IRF3: variants seen among roughly 807,000 people sequenced by gnomAD.
IRF3 encodes interferon regulatory factor 3.
A neutral mutation model predicts 43.2 loss-of-function variants in IRF3; 29 were observed. That is an observed-to-expected ratio of 0.67 (90% confidence interval 0.50 to 0.91). The LOEUF is 0.91. Among genes scored for constraint, IRF3 ranks in the 40% least tolerant of loss-of-function variants. The pLI is 0.00. For synonymous variants in IRF3, 228 were observed against 233.9 expected (o/e 0.97, Z 0.23); for missense variants, 505 against 559.1 (o/e 0.90, Z 0.98).
chr19:49,660,848 G>A lies in IRF3; in HGVS notation c.983-20C>T. ...TCAGATCTGGGGGCCCAGGAGCCTA[G>A]TCAGGGATGAGAAGAGGACCCTCTA... On this transcript the variant is annotated intron_variant, in intron 6 of 7. Transcript: ENST00000377139. The A allele has an allele frequency of 1.3e-6, 2 of 1,575,446 alleles. No homozygotes were observed. Among genetic ancestry groups the A allele is most frequent in the Non-Finnish European group, 8.6e-7 (1 of 1,160,396 alleles).
chr19:49,665,116 ACCT>A (rs529892778), intron 1 of IRF3: 110 of 412,214 alleles, frequency 2.7e-4, no homozygotes, highest in African/African-American at 1.8e-3. Flanking sequence ...GCCAGTATAG[ACCT>A]CCTCCCTCCC....
At chr19:49,665,074 C>G in intron 1 of IRF3, 2 of 541,948 alleles carry the variant, frequency 3.7e-6, no homozygotes, top group Non-Finnish European at 3.3e-6. Flanking sequence ...TCCCCAGCGT[C>G]TTCAGTGCAG....
intron 6 of IRF3, 40 bp downstream of exon 6, chr19:49,661,905 GGCT>G (rs1233962789): frequency 6.4e-7 from 1 of 1,557,562 alleles, no homozygotes; most frequent in Non-Finnish European, 8.7e-7. Flanking sequence ...CCACTGTGCA[GGCT>G]GCTTTGTACT....
At position 49,659,604 on chromosome 19, in the gene IRF3, G is replaced by A. The variant is rs754349455; in HGVS notation, c.*44C>T. 1 of 1,579,670 alleles carries A rather than the reference G, an allele frequency of 6.3e-7. No individual in the cohort carries two copies. Among genetic ancestry groups the A allele is most frequent in the African/African-American group, 1.3e-5 (1 of 74,092 alleles). ...AGGAACCAGTTTATTGGTTGAGGTG[G>A]TGGGGAACAGGGGGGTTGGAGGCAC... On this transcript the variant is annotated 3_prime_UTR_variant, in exon 8 of 8. Transcript: ENST00000377139.
Position 49,665,696 on chromosome 19 carries a change from T to TCTCAAACTCGAGGCTGCGCACCCC in IRF3, c.-98_-75dup. 7.7e-7 allele frequency: 1 copy of TCTCAAACTCGAGGCTGCGCACCCC among 1,304,554 alleles called. No homozygotes were observed. The highest frequency in any genetic ancestry group is 1.0e-6 in the Non-Finnish European group (1 of 958,902). The allele number at this position is 1,304,554 out of a possible 1,614,324, so 80.8% of individuals were successfully genotyped here. The stretch of plus-strand genomic sequence containing the variant: ...CCCCTGTCTTGGAGCTCCGGGTAGC[T>TCTCAAACTCGAGGCTGCGCACCCC]CTCAAACTCGAGGCTGCGCACCCCC... On this transcript the variant is annotated 5_prime_UTR_variant, in exon 1 of 8. Transcript: ENST00000377139.
rs1361576344 is a variant in IRF3 at position 49,662,049 on chromosome 19, G to A, written c.881C>T (p.Ala294Val). The A allele has an allele frequency of 1.9e-6, 3 of 1,613,924 alleles. No individual in the cohort carries two copies. Among genetic ancestry groups the A allele is most frequent in the Non-Finnish European group, 2.5e-6 (3 of 1,179,980 alleles). The change falls in exon 6 of 8, where the codon GCA becomes GTA. Residue 294 changes from alanine (A) to valine (V), a missense_variant. Physicochemically the swap from Ala to Val is moderately conservative, Grantham distance 64. Transcript: ENST00000377139. ...QRLGHCHTYW[A>V]VSEELLPNSG... ...GTTGGGGAGCAGCTCCTCGCTCACT[G>A]CCCAGTATGTGTGGCAGTGCCCCAG...
In IRF3 at chr19:49,660,631, T is replaced by G. The variant is rs955224324; in HGVS notation, c.1098+82A>C. 136 of 1,386,306 alleles carry G rather than the reference T, an allele frequency of 9.8e-5. No homozygotes were observed. In the East Asian group the frequency reaches 3.6e-3, roughly 37 times the overall value. 85.9% of individuals were successfully genotyped at this position (1,386,306 alleles called of 1,614,324 possible). ...AGTTGCAGTTTTTTAGAGGGCCCTCTGGGAGTTGGAGTTCCTGGGAGCAAC... is the reference window on the plus strand; with the variant it reads ...AGTTGCAGTTTTTTAGAGGGCCCTCGGGGAGTTGGAGTTCCTGGGAGCAAC... On this transcript the variant is annotated intron_variant, in intron 7 of 7. Transcript: ENST00000377139.
In IRF3 at chr19:49,665,721, C is replaced by G. The variant is rs533084354; in HGVS notation, c.-99G>C. 1 of 1,456,504 alleles carries G rather than the reference C, an allele frequency of 6.9e-7. No individual in the cohort carries two copies. The allele number at this position is 1,456,504 out of a possible 1,614,324, so 90.2% of individuals were successfully genotyped here. A position where few individuals can be genotyped will look rare whatever the true frequency, so the allele number is the denominator to read the frequency against. ...TCTCAAACTCGAGGCTGCGCACCCCCTTTCCCGTCAGCTGAGCTCTAGAGC... is the reference window on the plus strand; with the variant it reads ...TCTCAAACTCGAGGCTGCGCACCCCGTTTCCCGTCAGCTGAGCTCTAGAGC... On this transcript the variant is annotated 5_prime_UTR_variant, in exon 1 of 8. Transcript: ENST00000377139.
At chr19:49,659,867 ACACC>A in intron 7 of IRF3, 34 bp from the exon 8 acceptor site, 11 of 1,543,056 alleles carry the variant, frequency 7.1e-6, no homozygotes, top group Non-Finnish European at 9.6e-6. Flanking sequence ...GTCAGGGAAA[ACACC>A]CAGCCACTGT....
chr19:49,663,216 T>C lies in IRF3; in HGVS notation c.380A>G (p.Asn127Ser), dbSNP rs137902370. ...FSQPDTSPDT[N>S]GGGSTSDTQE... ...GGTATCAGAAGTACTGCCTCCACCA[T>C]TGGTGTCCGGAGAGGTGTCTGGCTG... Residue 127 changes from asparagine (N) to serine (S), a missense_variant, in exon 4 of 8, where the codon AAT (asparagine) becomes AGT (serine). Asn to Ser is a conservative substitution (Grantham distance 46). Coordinates refer to ENST00000377139, the MANE Select transcript of IRF3 (RefSeq NM_001571.6). 378 of 1,614,056 alleles carry C rather than the reference T, an allele frequency of 2.3e-4. 3 individuals carry two copies. The Admixed American group carries it at 6.2e-3, about 26-fold the overall frequency.
intron 7 of IRF3, among the ~76,000 whole-genome samples, 185 bp from the exon 8 acceptor site, chr19:49,660,018 CACACACACA>C (rs1175202488): frequency 9.9e-5 from 12 of 121,748 alleles, no homozygotes; most frequent in South Asian, 5.1e-4. Context: ...CACACACACA[CACACACACA>C]CCCCCTGCTG....
Position 49,665,044 on chromosome 19 carries a change from C to T in IRF3, c.-8-198G>A, listed in dbSNP as rs950481727. ...CTCTCTAATCAGCTAGGGTTCCTTC[C>T]CATATCCATGGCACATCCTTCCCCA... On this transcript the variant is annotated intron_variant, in intron 1 of 7. Coordinates refer to ENST00000377139, the MANE Select transcript of IRF3 (RefSeq NM_001571.6). The T allele has an allele frequency of 5.3e-5, 32 of 598,928 alleles. 1 individual carries two copies. The South Asian group carries it at 6.6e-4, about 12-fold the overall frequency. 37.1% of individuals were successfully genotyped at this position (598,928 alleles called of 1,614,324 possible).
At position 49,663,538 on chromosome 19, in the gene IRF3, T is replaced by C. The variant is rs3810260; in HGVS notation, c.166-24A>G. ...GCCTGGGGCAACAGTGGTGTCAGGA[T>C]GGTGGGGGAGGACGACTTAGATCCT... is the stretch of plus-strand genomic sequence containing the variant. On this transcript the variant is annotated intron_variant, in intron 2 of 7. Coordinates refer to ENST00000377139, the MANE Select transcript of IRF3 (RefSeq NM_001571.6). 8.8e-3 allele frequency: 14,173 copies of C among 1,612,594 alleles called. 955 individuals carry two copies. The Admixed American group carries it at 0.15, about 17-fold the overall frequency.
intron 7 of IRF3, among the ~76,000 whole-genome samples, chr19:49,660,182 C>T (rs922029177): frequency 2.6e-5 from 4 of 152,010 alleles, no homozygotes; most frequent in Non-Finnish European, 4.4e-5. Flanking sequence ...GCAGCTAAAA[C>T]TTGAGTCCAC....
chr19:49,659,859 C>T (rs778730479), intron 7 of IRF3, 26 bp from the exon 8 acceptor site: 1 of 1,552,112 alleles, frequency 6.4e-7, no homozygotes, highest in Non-Finnish European at 8.7e-7. Flanking sequence ...GGACAGGAGT[C>T]AGGGAAAACA....
Position 49,662,241 on chromosome 19 carries a change from C to T in IRF3, c.689G>A (p.Gly230Glu). ...CAGCGTCCTGTCTCCCACTTCGGAC[C>T]CCACCAGCCGCAGGCCCTCCGGGCA... ...ISCPEGLRLV[G>E]SEVGDRTLPG... Residue 230 changes from glycine to glutamate, a missense_variant, in exon 6 of 8, where the codon GGG becomes GAG. Coordinates refer to ENST00000377139, the MANE Select transcript of IRF3 (RefSeq NM_001571.6). The T allele has an allele frequency of 1.2e-6, 2 of 1,613,968 alleles. No homozygotes were observed. Among genetic ancestry groups the T allele is most frequent in the Non-Finnish European group, 8.5e-7 (1 of 1,180,050 alleles).
In IRF3 at chr19:49,663,438, C is replaced by T. The variant is rs1456700189; in HGVS notation, c.242G>A (p.Arg81His). The T allele has an allele frequency of 1.9e-6, 3 of 1,614,180 alleles. No homozygotes were observed. Among genetic ancestry groups the T allele is most frequent in the African/African-American group, 1.3e-5 (1 of 75,050 alleles). ...PDLPTWKRNF[R>H]SALNRKEGLR... ...CCCTTCTTTGCGGTTGAGGGCAGAGCGGAAATTCCTCTTCCAGGTTGGCAG... is the reference window on the plus strand; with the variant it reads ...CCCTTCTTTGCGGTTGAGGGCAGAGTGGAAATTCCTCTTCCAGGTTGGCAG... The change falls in exon 3 of 8, where the codon CGC becomes CAC. Residue 81 changes from arginine (R) to histidine (H), a missense_variant. Arg to His is a conservative substitution (Grantham distance 29). Coordinates refer to ENST00000377139, the MANE Select transcript of IRF3 (RefSeq NM_001571.6).
At position 49,662,432 on chromosome 19, in the gene IRF3, C is replaced by A; in HGVS notation, c.594G>T (p.Pro198=). ...CCTGCAGCTGACACTCACCTTCCCC[C>A]GGCACCAACAGCCGCTTCAGTGGGT... is the stretch of plus-strand genomic sequence containing the variant. ...SENPLKRLLV[P]GEEWEFEVTA... The change falls in exon 5 of 8, where the codon CCG becomes CCT. Residue 198 remains proline, a synonymous_variant. Transcript: ENST00000377139. The A allele has an allele frequency of 6.3e-7, 1 of 1,594,490 alleles. No homozygotes were observed. Among genetic ancestry groups the A allele is most frequent in the Non-Finnish European group, 8.5e-7 (1 of 1,170,490 alleles).
At chr19:49,663,707 C>A in intron 2 of IRF3, 193 bp from the exon 3 acceptor site, 1 of 589,446 alleles carries the variant, frequency 1.7e-6, no homozygotes, top group Non-Finnish European at 3.0e-6. Flanking sequence ...GGCTTTTTTT[C>A]TTTTTGAGAT....
Sources: gnomAD v4.1 joint callset for allele counts (sites outside exome capture counted in the v4.1 genomes callset) on GRCh38, gnomAD v4.1.1 for gene constraint, MANE v1.5 for transcripts, NCBI Gene and HGNC (gene_info 2026-07-23, HGNC 2026-07-21) for gene names.